Variants in COP1 observed in about 807,000 individuals in gnomAD.
COP1 encodes the protein COP1 E3 ubiquitin ligase, also known as E3 ubiquitin-protein ligase COP1.
Under a neutral mutation model 101.3 loss-of-function variants are expected in COP1, and 24 were observed. The observed-to-expected ratio is 0.24, with a 90% CI of 0.17 to 0.33. The LOEUF is 0.33. Among genes scored for constraint, COP1 ranks in the 10% least tolerant of loss-of-function variants. The pLI, the probability that COP1 is intolerant of heterozygous loss-of-function variation, is 1.00. For missense variants in COP1, 663 were observed against 906.2 expected, an observed-to-expected ratio of 0.73 and a Z score of 3.45; for synonymous variants, 347 against 341.9, an observed-to-expected ratio of 1.01 and a Z score of -0.17.
intron 2 of COP1, among the ~76,000 whole-genome samples, chr1:176,178,176 G>A (rs1343391012): frequency 6.6e-6 from 1 of 152,016 alleles, no homozygotes; most frequent in Non-Finnish European, 1.5e-5. Context: ...GAAGCATAAC[G>A]TAGGCAAGCA....
chr1:176,172,322 T>C lies in COP1; in HGVS notation c.565+3588A>G, dbSNP rs529933174. Among the ~76,000 whole-genome samples the C allele has an allele frequency of 3.0e-3, 458 of 152,330 alleles. 2 individuals are homozygous for C. The highest frequency in any genetic ancestry group is 0.01 in the African/African-American group (430 of 41,576). ...CTTCCAAAGTGTTAGGATTATAGGT[T>C]TGAGCCACTGCACCTGGCCAAAATT... On this transcript the variant is annotated intron_variant, in intron 3 of 19. Transcript: ENST00000367669.
intron 1 of COP1, among the ~76,000 whole-genome samples, chr1:176,201,530 G>C (rs1157112185): frequency 6.6e-6 from 1 of 151,124 alleles, no homozygotes; most frequent in Non-Finnish European, 1.5e-5. Flanking sequence ...TATCAGAAAA[G>C]GTATAAAGAT....
intron 6 of COP1, among the ~76,000 whole-genome samples, chr1:176,145,174 A>C (rs1270651069): frequency 3.9e-5 from 6 of 152,114 alleles, no homozygotes; most frequent in Non-Finnish European, 8.8e-5. Flanking sequence ...CAAACAAAAA[A>C]TGTAAAAAGT....
At chr1:176,116,768 A>C in intron 8 of COP1, 87 bp from the exon 9 acceptor site, 1 of 880,956 alleles carries the variant, frequency 1.1e-6, no homozygotes, top group Non-Finnish European at 1.8e-6. Context: ...ATCATATATA[A>C]GCCCAGTATT....
At chr1:176,142,379 T>G (rs1380336459) in intron 6 of COP1, among the ~76,000 whole-genome samples, 1 of 152,020 alleles carries the variant, frequency 6.6e-6, no homozygotes, top group Non-Finnish European at 1.5e-5. Flanking sequence ...AATATTTATA[T>G]TAAATAAATG....
intron 9 of COP1, among the ~76,000 whole-genome samples, chr1:176,098,778 T>G (rs1438428257): frequency 6.6e-6 from 1 of 152,292 alleles, no homozygotes; most frequent in African/African-American, 2.4e-5. Context: ...ACATCAAGTG[T>G]TTTAAACCTC....
Position 176,085,833 on chromosome 1 carries a change from C to A in COP1, c.1084G>T (p.Ala362Ser). 2 of 1,608,038 alleles carry A rather than the reference C, an allele frequency of 1.2e-6. No individual in the cohort carries two copies. The highest frequency in any genetic ancestry group is 1.7e-6 in the Non-Finnish European group (2 of 1,175,728). Residue 362 changes from alanine to serine, a missense_variant, in exon 10 of 20, where the codon GCT (alanine) becomes TCT (serine). This residue lies in a region of COP1 where 212 missense variants were observed against 240.7 expected (regional missense o/e 0.88). Coordinates refer to ENST00000367669, the MANE Select transcript of COP1 (RefSeq NM_022457.7). The part of the protein sequence containing the change: ...TLASRRKRLT[A>S]HFEDLEQCYF... ...CACTGCTCCAAGTCTTCAAAATGAG[C>A]AGTAAGTCGTTTTCGTCTTGATGCT...
intron 15 of COP1, among the ~76,000 whole-genome samples, chr1:176,003,654 T>G (rs1240583334): frequency 2.0e-5 from 3 of 152,184 alleles, no homozygotes; most frequent in African/African-American, 4.8e-5. Context: ...AGAGATCAGA[T>G]AGTTGTAGAT....
At chr1:176,155,945 G>A (rs1230926321) in intron 5 of COP1, among the ~76,000 whole-genome samples, 1 of 151,914 alleles carries the variant, frequency 6.6e-6, no homozygotes, top group East Asian at 1.9e-4. Flanking sequence ...CAAGTAAAAG[G>A]GAAATCAGCC....
chr1:175,982,847 T>C (rs1051534759), intron 18 of COP1, among the ~76,000 whole-genome samples: 4 of 152,076 alleles, frequency 2.6e-5, no homozygotes, highest in African/African-American at 9.7e-5. Context: ...AAATAGAGAA[T>C]AGAATGGTAG....
intron 8 of COP1, 56 bp from the exon 9 acceptor site, chr1:176,116,737 G>T: frequency 7.8e-7 from 1 of 1,283,246 alleles, no homozygotes; most frequent in South Asian, 1.3e-5. Flanking sequence ...TTTAACAACA[G>T]AAAAAGTAAA....
intron 5 of COP1, among the ~76,000 whole-genome samples, chr1:176,158,967 A>G (rs759667026): frequency 6.6e-6 from 1 of 152,140 alleles, no homozygotes; most frequent in African/African-American, 2.4e-5. Flanking sequence ...CAGATGAAGT[A>G]GTATAATATT....
chr1:176,099,537 CTCT>C (rs1483355235), intron 9 of COP1, among the ~76,000 whole-genome samples: 19 of 149,758 alleles, frequency 1.3e-4, no homozygotes, highest in Non-Finnish European at 2.5e-4. Context: ...CTCTCTCTCT[CTCT>C]CCCTGGCTTC....
At chr1:176,031,249 T>C (rs1668601695) in intron 14 of COP1, among the ~76,000 whole-genome samples, 1 of 152,156 alleles carries the variant, frequency 6.6e-6, no homozygotes, top group East Asian at 1.9e-4. Flanking sequence ...TGAAATAATA[T>C]TGAAATCTAT....
intron 11 of COP1, among the ~76,000 whole-genome samples, chr1:176,061,082 T>C (rs972065573): frequency 1.3e-5 from 2 of 152,188 alleles, no homozygotes; most frequent in Non-Finnish European, 1.5e-5. Context: ...ACAGTAATCA[T>C]GACAGTATGG....
chr1:175,947,417 C>A, intron 18 of COP1, 178 bp from the exon 19 acceptor site: 3 of 517,746 alleles, frequency 5.8e-6, no homozygotes, highest in Non-Finnish European at 1.0e-5. Flanking sequence ...GTTGCCCAGG[C>A]TGGAGTGCAA....
intron 3 of COP1, among the ~76,000 whole-genome samples, chr1:176,166,115 GTATT>G (rs966155612): frequency 2.0e-5 from 3 of 152,024 alleles, no homozygotes; most frequent in Non-Finnish European, 2.9e-5. Flanking sequence ...GATCAAGCCT[GTATT>G]TATTTATTTT....
Position 176,085,903 on chromosome 1 carries a change from G to A in COP1, c.1027-13C>T, listed in dbSNP as rs1239146942. 7 of 1,445,342 alleles carry A rather than the reference G, an allele frequency of 4.8e-6. No homozygotes were observed. The Admixed American group carries it at 1.2e-4, about 25-fold the overall frequency. 89.5% of individuals were successfully genotyped at this position (1,445,342 alleles called of 1,614,324 possible). Reference sequence around the variant, plus strand: ...GCTGTTTCTTTGTCTAAAATAATAAGAAAAGACACAAAACTTAGAATAAAC... The same window carrying A: ...GCTGTTTCTTTGTCTAAAATAATAAAAAAAGACACAAAACTTAGAATAAAC... On this transcript the variant is annotated splice_polypyrimidine_tract_variant and intron_variant, in intron 9 of 19. Transcript: ENST00000367669.
intron 9 of COP1, 83 bp downstream of exon 9, chr1:176,116,541 C>T (rs1054523847): frequency 3.5e-6 from 4 of 1,144,528 alleles, no homozygotes; most frequent in Non-Finnish European, 5.2e-6. Flanking sequence ...TGTGACAGGA[C>T]ATTTTAGTAA....
Sources: allele counts gnomAD v4.1 joint callset (sites outside exome capture counted in the v4.1 genomes callset), GRCh38; gene constraint gnomAD v4.1.1; regional missense constraint gnomAD v4.1.1; transcripts MANE v1.5; gene names NCBI Gene and HGNC (gene_info 2026-07-23, HGNC 2026-07-21).